The following PCDHA2 variants were observed in gnomAD, a reference collection of about 807,000 sequenced individuals.
PCDHA2 encodes the protein protocadherin alpha 2.
Under a neutral mutation model 66.0 loss-of-function variants are expected in PCDHA2, and 58 were observed. The ratio of observed to expected loss-of-function variants is 0.88; its 90% CI spans 0.71 to 1.09. The LOEUF (loss-of-function observed/expected upper bound fraction) is 1.09. Among genes scored for constraint, PCDHA2 ranks in the 50% least tolerant of loss-of-function variants. The pLI is 0.00. For missense variants in PCDHA2, 1,267 were observed against 1,242.3 expected (o/e 1.02, Z -0.30); for synonymous variants, 634 against 554.0 (o/e 1.14, Z -2.03).
At chr5:140,977,284 G>T (rs1377580391) in intron 1 of PCDHA2, among the ~76,000 whole-genome samples, 1 of 152,210 alleles carries the variant, frequency 6.6e-6, no homozygotes, top group Admixed American at 6.5e-5. Flanking sequence ...TCAAAGGAAG[G>T]TTCTCTCAGC....
intron 1 of PCDHA2, among the ~76,000 whole-genome samples, chr5:140,886,239 TAAATA>T (rs2060905359): frequency 6.6e-6 from 1 of 152,062 alleles, no homozygotes; most frequent in African/African-American, 2.4e-5. Context: ...ACTTCAGAAA[TAAATA>T]AAAGTATCTC....
At chr5:140,883,890 G>T (rs2153398485) in intron 1 of PCDHA2, 1 of 1,613,462 alleles carries the variant, frequency 6.2e-7, no homozygotes, top group Non-Finnish European at 8.5e-7. Context: ...CGCGACTCTG[G>T]CGTGCCGCCT....
intron 1 of PCDHA2, chr5:140,834,446 A>G (rs1220656854): frequency 1.2e-5 from 19 of 1,598,524 alleles, no homozygotes; most frequent in Non-Finnish European, 1.6e-5. Context: ...TTATAATTCT[A>G]GCAGCTTGGG....
At chr5:140,835,977 C>G (rs2150249496) in intron 1 of PCDHA2, 1 of 1,613,352 alleles carries the variant, frequency 6.2e-7, no homozygotes, top group Admixed American at 1.7e-5. Context: ...GGAGCTGTTG[C>G]AGTTCCAGGT....
chr5:140,804,634 C>T (rs1380367242), intron 1 of PCDHA2: 3 of 153,708 alleles, frequency 2.0e-5, no homozygotes, highest in African/African-American at 7.2e-5. Flanking sequence ...CTCTGAATAG[C>T]ATCCTGCCTA....
At chr5:140,871,301 C>G in intron 1 of PCDHA2, 4 of 1,613,916 alleles carry the variant, frequency 2.5e-6, no homozygotes, top group Middle Eastern at 1.7e-4. Flanking sequence ...GCGTGCGCGC[C>G]GGGGAAGCCC....
intron 1 of PCDHA2, among the ~76,000 whole-genome samples, chr5:140,976,886 AC>A (rs2096735847): frequency 6.6e-6 from 1 of 152,232 alleles, no homozygotes; most frequent in African/African-American, 2.4e-5. Flanking sequence ...GAATTAGGAT[AC>A]ATGCAACAGT....
rs1554229569 is a variant in PCDHA2, at chr5:140,967,454, G to A, written c.2389-11495G>A. ...CTTGCACCACCTGGTTCTCACAGCCGTGGATGGGGGCATCCCAGCCCGCTC... is the reference window on the plus strand; with the variant it reads ...CTTGCACCACCTGGTTCTCACAGCCATGGATGGGGGCATCCCAGCCCGCTC... On this transcript the variant is annotated intron_variant, in intron 1 of 3. Transcript: ENST00000526136. 6.2e-7 allele frequency: 1 copy of A among 1,613,614 alleles called. No individual in the cohort carries two copies. Among genetic ancestry groups the A allele is most frequent in the Admixed American group, 1.7e-5 (1 of 60,010 alleles).
intron 1 of PCDHA2, chr5:140,822,901 C>T (rs1554128945): frequency 6.2e-7 from 1 of 1,614,234 alleles, no homozygotes; most frequent in Non-Finnish European, 8.5e-7. Flanking sequence ...CGTGTCTGAC[C>T]GTGACTCAGG....
At chr5:140,858,554 A>T in intron 1 of PCDHA2, 1 of 1,391,946 alleles carries the variant, frequency 7.2e-7, no homozygotes, top group Non-Finnish European at 9.9e-7. Flanking sequence ...TTTATGCTTG[A>T]ATATTTCTAG....
intron 1 of PCDHA2, among the ~76,000 whole-genome samples, chr5:140,827,296 A>G (rs1554130748): frequency 6.6e-6 from 1 of 152,262 alleles, no homozygotes; most frequent in East Asian, 1.9e-4. Flanking sequence ...AAAACAGCAA[A>G]GCACAATGGG....
At chr5:140,798,927 A>G (rs956433419) in intron 1 of PCDHA2, among the ~76,000 whole-genome samples, 8 of 152,216 alleles carry the variant, frequency 5.3e-5, no homozygotes, top group Non-Finnish European at 1.0e-4. Context: ...AAATCATAGA[A>G]ATAACTTCCA....
At chr5:140,848,740 G>A (rs2150419221) in intron 1 of PCDHA2, 5 of 1,593,114 alleles carry the variant, frequency 3.1e-6, no homozygotes, top group East Asian at 2.2e-5. Context: ...CTGCAGAATG[G>A]CATTTTGTTT....
intron 1 of PCDHA2, among the ~76,000 whole-genome samples, chr5:140,923,449 G>A (rs189150090): frequency 6.6e-6 from 1 of 152,166 alleles, no homozygotes; most frequent in African/African-American, 2.4e-5. Flanking sequence ...GATCACCTGA[G>A]CCCAGAGAGG....
chr5:140,836,379 C>G (rs2150259226), intron 1 of PCDHA2: 1 of 1,613,734 alleles, frequency 6.2e-7, no homozygotes, highest in East Asian at 2.2e-5. Context: ...AGCCACCGTG[C>G]TGGTGTCGCT....
intron 1 of PCDHA2, among the ~76,000 whole-genome samples, chr5:140,839,079 C>T (rs1224426346): frequency 1.3e-5 from 2 of 151,864 alleles, no homozygotes; most frequent in African/African-American, 2.4e-5. Context: ...AGTCAAAAAC[C>T]TGTCTGATAA....
In PCDHA2 at chr5:141,010,480, A is replaced by C; in HGVS notation, c.*543A>C. The C allele has an allele frequency of 1.4e-6, 1 of 696,098 alleles. No individual in the cohort carries two copies. Among genetic ancestry groups the C allele is most frequent in the Non-Finnish European group, 2.2e-6 (1 of 452,208 alleles). 43.1% of individuals were successfully genotyped at this position (696,098 alleles called of 1,614,324 possible). A position where few individuals can be genotyped will look rare whatever the true frequency, so the allele number is the denominator to read the frequency against. On this transcript the variant is annotated 3_prime_UTR_variant, in exon 4 of 4. Transcript: ENST00000526136. ...TTATCAGTATGGAGGGGAAGTGTAA[A>C]CTTAAAGGGACCAGACTTTCTAAAT...
At chr5:140,838,559 T>C (rs1251865837) in intron 1 of PCDHA2, among the ~76,000 whole-genome samples, 1 of 152,048 alleles carries the variant, frequency 6.6e-6, no homozygotes, top group Non-Finnish European at 1.5e-5. Context: ...ATTCATCCAG[T>C]ACTGTATTAG....
chr5:140,966,705 G>A, intron 1 of PCDHA2: 1 of 1,379,198 alleles, frequency 7.3e-7, no homozygotes, highest in Non-Finnish European at 9.3e-7. Context: ...CGGGCGTGGG[G>A]CACGGCTGGG....
Sources: allele counts gnomAD v4.1 joint callset (sites outside exome capture counted in the v4.1 genomes callset), GRCh38; gene constraint gnomAD v4.1.1; transcripts MANE v1.5; gene names NCBI Gene and HGNC (gene_info 2026-07-23, HGNC 2026-07-21).